Variants in ANGPT1 observed in about 807,000 individuals in gnomAD.
ANGPT1 encodes angiopoietin-1.
Under a neutral mutation model 62.2 loss-of-function variants are expected in ANGPT1, and 17 were observed. The observed-to-expected ratio is 0.27, with a 90% CI of 0.19 to 0.41. ANGPT1 has a LOEUF of 0.41. Ranked by LOEUF, ANGPT1 falls within the 10% of genes least tolerant of loss-of-function variation. The pLI is 1.00. For missense variants in ANGPT1, 478 were observed against 594.9 expected (o/e 0.80, Z 2.04); for synonymous variants, 199 against 198.9 (o/e 1.00, Z 0.00).
intron 6 of ANGPT1, among the ~76,000 whole-genome samples, chr8:107,290,584 G>C (rs1234565850): frequency 3.9e-5 from 6 of 152,224 alleles, no homozygotes; most frequent in African/African-American, 1.4e-4. Context: ...CCGAAACACT[G>C]TCTACCATGT....
chr8:107,273,486 T>C (rs1422566737), intron 7 of ANGPT1, among the ~76,000 whole-genome samples: 1 of 152,056 alleles, frequency 6.6e-6, no homozygotes, highest in African/African-American at 2.4e-5. Context: ...ATCTTTGTCA[T>C]GGATTCTAGC....
At chr8:107,455,072 C>A (rs1281234869) in intron 1 of ANGPT1, among the ~76,000 whole-genome samples, 1 of 151,960 alleles carries the variant, frequency 6.6e-6, no homozygotes, top group Non-Finnish European at 1.5e-5. Flanking sequence ...AAAAATAGCT[C>A]CCAGATGCTA....
At chr8:107,347,374 T>C (rs1042489311) in intron 1 of ANGPT1, among the ~76,000 whole-genome samples, 1 of 152,190 alleles carries the variant, frequency 6.6e-6, no homozygotes, top group Admixed American at 6.5e-5. Flanking sequence ...ATTATCCATT[T>C]AGCCTTTATA....
At chr8:107,350,798 T>C (rs145236059) in intron 1 of ANGPT1, among the ~76,000 whole-genome samples, 1 of 152,166 alleles carries the variant, frequency 6.6e-6, no homozygotes, top group Non-Finnish European at 1.5e-5. Flanking sequence ...CCAGATGTAG[T>C]TGATTTAAAG....
intron 4 of ANGPT1, among the ~76,000 whole-genome samples, chr8:107,307,859 G>A (rs1360168623): frequency 1.3e-5 from 2 of 152,086 alleles, no homozygotes; most frequent in Non-Finnish European, 2.9e-5. Flanking sequence ...TGCCTGTTGG[G>A]CAGTCCTTCC....
chr8:107,304,215 T>C (rs1814662285), intron 4 of ANGPT1, among the ~76,000 whole-genome samples: 1 of 151,748 alleles, frequency 6.6e-6, no homozygotes, highest in Admixed American at 6.6e-5. Context: ...AACCTTATTT[T>C]ATTTACTGAG....
chr8:107,278,318 A>G (rs1813913553), intron 7 of ANGPT1, among the ~76,000 whole-genome samples: 1 of 152,120 alleles, frequency 6.6e-6, no homozygotes, highest in Admixed American at 6.6e-5. Context: ...TCCTGACCTC[A>G]AGCAGTCCTC....
chr8:107,382,392 C>T (rs1335339069), intron 1 of ANGPT1, among the ~76,000 whole-genome samples: 1 of 151,958 alleles, frequency 6.6e-6, no homozygotes, highest in African/African-American at 2.4e-5. Flanking sequence ...TGTGTAAATC[C>T]CATATTTGTC....
At chr8:107,256,211 T>C (rs1320915206) in intron 8 of ANGPT1, among the ~76,000 whole-genome samples, 9 of 152,324 alleles carry the variant, frequency 5.9e-5, no homozygotes, top group African/African-American at 2.2e-4. Flanking sequence ...TTATTTCTCA[T>C]GACAATTTCA....
intron 1 of ANGPT1, among the ~76,000 whole-genome samples, chr8:107,357,604 C>G (rs2130192755): frequency 6.6e-6 from 1 of 152,286 alleles, no homozygotes; most frequent in African/African-American, 2.4e-5. Context: ...GCAAACCACA[C>G]TTACTTCTCC....
intron 4 of ANGPT1, among the ~76,000 whole-genome samples, chr8:107,314,351 G>T (rs759181638): frequency 6.6e-6 from 1 of 152,130 alleles, no homozygotes; most frequent in Non-Finnish European, 1.5e-5. Flanking sequence ...TTCCAAAAGA[G>T]AATTAACCAC....
rs750634420 is a variant in ANGPT1 at position 107,257,870 on chromosome 8, G to GTTTTTTTTTTT, written c.1337-5856_1337-5855insAAAAAAAAAAA. ...TATATCCTCTTCAGGCCAAGGACTT[G>GTTTTTTTTTTT]TTTTTGTTTCTTTTTTGTTTGTTTG... On this transcript the variant is annotated intron_variant, in intron 8 of 8. Coordinates refer to ENST00000517746, the MANE Select transcript of ANGPT1 (RefSeq NM_001146.5). Among the ~76,000 whole-genome samples the GTTTTTTTTTTT allele has an allele frequency of 5.7e-4, 26 of 45,220 alleles. 3 individuals carry two copies. Among genetic ancestry groups the GTTTTTTTTTTT allele is most frequent in the Non-Finnish European group, 7.8e-4 (17 of 21,700 alleles). The allele number at this position is 45,220 out of a possible 152,430, so 29.7% of individuals were successfully genotyped here.
At chr8:107,379,124 G>A (rs1816587134) in intron 1 of ANGPT1, among the ~76,000 whole-genome samples, 1 of 151,974 alleles carries the variant, frequency 6.6e-6, no homozygotes, top group Admixed American at 6.6e-5. Context: ...CCACCCTGAG[G>A]GGAGATATAT....
rs1315438875 is a variant in ANGPT1, at chr8:107,250,106, C to T, written c.*1749G>A. On this transcript the variant is annotated 3_prime_UTR_variant, in exon 9 of 9. Transcript: ENST00000517746. ...CTTTATTTTCTCAAATGGAGGAAAC[C>T]ATTAAGGCATAGTGGATCAAGTCAC... The T allele has an allele frequency of 6.6e-6, 1 of 152,310 alleles. No homozygotes were observed. Among genetic ancestry groups the T allele is most frequent in the Non-Finnish European group, 1.5e-5 (1 of 67,982 alleles). The allele number at this position is 152,310 out of a possible 1,614,324, so 9.4% of individuals were successfully genotyped here.
At chr8:107,405,829 A>C (rs1817137784) in intron 1 of ANGPT1, among the ~76,000 whole-genome samples, 1 of 151,906 alleles carries the variant, frequency 6.6e-6, no homozygotes, top group Admixed American at 6.6e-5. Context: ...TTTTTATTTA[A>C]AATAAAACTG....
chr8:107,434,179 C>T (rs1300379833), intron 1 of ANGPT1, among the ~76,000 whole-genome samples: 10 of 152,122 alleles, frequency 6.6e-5, no homozygotes, highest in Admixed American at 5.2e-4. Flanking sequence ...AAGGTAATAA[C>T]ATTCCCACAG....
rs576848220 is a variant in ANGPT1, at chr8:107,343,865, C to T, written c.453+3077G>A. 3.3e-5 allele frequency among the ~76,000 whole-genome samples: 5 copies of T among 152,166 alleles called. No homozygotes were observed. The East Asian group carries it at 7.8e-4, about 24-fold the overall frequency. ...TTGCTTCAACCTAGGAGGTCGAGACCAGCCTGGGCAACATAGCAAGACCTG... is the reference window on the plus strand; with the variant it reads ...TTGCTTCAACCTAGGAGGTCGAGACTAGCCTGGGCAACATAGCAAGACCTG... On this transcript the variant is annotated intron_variant, in intron 2 of 8. Transcript: ENST00000517746.
chr8:107,334,537 T>C (rs1021507850), intron 3 of ANGPT1, among the ~76,000 whole-genome samples: 1 of 151,132 alleles, frequency 6.6e-6, no homozygotes, highest in Admixed American at 6.6e-5. Context: ...CTGTGTGTTT[T>C]TTTTTGTCCT....
At chr8:107,467,431 A>G (rs927213896) in intron 1 of ANGPT1, among the ~76,000 whole-genome samples, 1 of 152,076 alleles carries the variant, frequency 6.6e-6, no homozygotes, top group Non-Finnish European at 1.5e-5. Context: ...AAATTGAAAG[A>G]TCTACCTTTA....
Sources: gnomAD v4.1 joint callset for allele counts (sites outside exome capture counted in the v4.1 genomes callset) on GRCh38, gnomAD v4.1.1 for gene constraint, MANE v1.5 for transcripts, NCBI Gene and HGNC (gene_info 2026-07-23, HGNC 2026-07-21) for gene names.